TESK1: variants seen among roughly 807,000 people sequenced by gnomAD.
TESK1 encodes the protein dual specificity testis-specific protein kinase 1.
A neutral mutation model predicts 59.9 loss-of-function variants in TESK1; 18 were observed. The observed-to-expected ratio is 0.30, with a 90% CI of 0.21 to 0.45. The LOEUF is 0.45. Ranked by LOEUF, TESK1 falls within the 20% of genes least tolerant of loss-of-function variation. The pLI is 1.00. For missense variants in TESK1, 748 were observed against 840.9 expected (o/e 0.89, Z 1.37); for synonymous variants, 341 against 357.4 (o/e 0.95, Z 0.52).
chr9:35,606,401 C>A, intron 3 of TESK1, 116 bp downstream of exon 3: 2 of 1,287,580 alleles, frequency 1.6e-6, no homozygotes, highest in South Asian at 1.2e-5. Context: ...GATCTCCTCT[C>A]AGGGGAGGCT....
chr9:35,608,802 GC>G, intron 9 of TESK1, 59 bp from the exon 10 acceptor site: 1 of 1,515,496 alleles, frequency 6.6e-7, no homozygotes. Context: ...GAATAGTGAG[GC>G]CCTCAAGGAG....
chr9:35,608,585 G>A (rs1460098464), intron 9 of TESK1, 76 bp downstream of exon 9: 1 of 1,322,008 alleles, frequency 7.6e-7, no homozygotes, highest in Non-Finnish European at 1.1e-6. Context: ...TGACATGGGG[G>A]AGGCTAAGTA....
In TESK1 at chr9:35,606,872, C is replaced by A; in HGVS notation, c.426C>A (p.Ser142Arg). The change falls in exon 4 of 10, where the codon AGC becomes AGA. Residue 142 changes from serine to arginine, a missense_variant. Physicochemically the swap from Ser to Arg is moderately radical, Grantham distance 110 (BLOSUM62 -1). This residue lies in a region of TESK1 where 168 missense variants were observed against 257.4 expected (regional missense o/e 0.65). Transcript: ENST00000336395. Reference protein sequence around the residue: ...MNGGTLEQLLSSPEPLSWPVR... With the variant: ...MNGGTLEQLLRSPEPLSWPVR... The stretch of plus-strand genomic sequence containing the variant: ...GGGGGACATTGGAACAGCTGCTCAG[C>A]TCCCCTGAACCCCTGTCCTGGCCGG... The A allele has an allele frequency of 6.2e-7, 1 of 1,612,978 alleles. No homozygotes were observed. The highest frequency in any genetic ancestry group is 8.5e-7 in the Non-Finnish European group (1 of 1,179,484).
intron 9 of TESK1, 142 bp from the exon 10 acceptor site, chr9:35,608,720 A>G (rs1022769065): frequency 2.1e-5 from 22 of 1,056,582 alleles, no homozygotes; most frequent in South Asian, 1.9e-4. Context: ...GGGCCTGGAG[A>G]TGACATCACC....
Position 35,605,472 on chromosome 9 carries a change from A to G in TESK1, c.-148A>G, listed in dbSNP as rs920362094. The G allele has an allele frequency of 4.1e-6, 1 of 241,098 alleles. No homozygotes were observed. The highest frequency in any genetic ancestry group is 7.8e-6 in the Non-Finnish European group (1 of 127,926). 14.9% of individuals were successfully genotyped at this position (241,098 alleles called of 1,614,324 possible). A position where few individuals can be genotyped will look rare whatever the true frequency, so the allele number is the denominator to read the frequency against. On this transcript the variant is annotated 5_prime_UTR_variant, in exon 1 of 10. Coordinates refer to ENST00000336395, the MANE Select transcript of TESK1 (RefSeq NM_006285.3). ...CAGCCGGCGCGGCGGGGGCGGGTCC[A>G]GGATCTTCGGCGGATCTTCCATTCT... is the stretch of plus-strand genomic sequence containing the variant.
rs200271024 is a variant in TESK1 at position 35,609,127 on chromosome 9, G to A, written c.1266G>A (p.Pro422=). 7.9e-5 allele frequency: 128 copies of A among 1,614,008 alleles called. No homozygotes were observed. The Admixed American group carries it at 1.0e-3, about 13-fold the overall frequency. ...PSTQLPLVTT[P]ETLVQPGTPA... is the part of the protein sequence containing the mutation. ...CTCAGCTGCCCTTGGTGACCACTCC[G>A]GAGACCCTGGTCCAGCCTGGGACAC... Residue 422 remains proline (P), a synonymous_variant, in exon 10 of 10, where the codon CCG becomes CCA. Transcript: ENST00000336395. This position sits in a 1 kb window ranked among gnomAD's most constrained non-coding sequence, Gnocchi z 6.7.
chr9:35,606,245 G>A lies in TESK1; in HGVS notation c.350G>A (p.Gly117Glu). 1 of 1,614,146 alleles carries A rather than the reference G, an allele frequency of 6.2e-7. No individual in the cohort carries two copies. The highest frequency in any genetic ancestry group is 8.5e-7 in the Non-Finnish European group (1 of 1,180,022). Reference protein sequence around the residue: ...LRHPNILRFMGVCVHQGQLHA... With the variant: ...LRHPNILRFMEVCVHQGQLHA... ...TCCCCATCCTCTTGCAGGTTCATGG[G>A]AGTCTGTGTGCACCAGGGACAGCTG... Residue 117 changes from glycine (G) to glutamate (E), a missense_variant, in exon 3 of 10, where the codon GGA (glycine) becomes GAA (glutamate). Gly to Glu is a moderately conservative substitution (Grantham distance 98). Transcript: ENST00000336395.
In TESK1 at chr9:35,607,359, C is replaced by T. The variant is rs762098231; in HGVS notation, c.570C>T (p.Phe190=). ...TAGTCCGACGGGAAGATCGAGGCTT[C>T]ACCGCTGTCGTGGGTGACTTCGGGC... The part of the protein sequence containing the change: ...NCLVRREDRG[F]TAVVGDFGLA... Residue 190 remains phenylalanine, a synonymous_variant, in exon 5 of 10, where the codon TTC becomes TTT. Coordinates refer to ENST00000336395, the MANE Select transcript of TESK1 (RefSeq NM_006285.3). This position sits in a 1 kb window ranked among gnomAD's most constrained non-coding sequence, Gnocchi z 4.5. 1.2e-6 allele frequency: 2 copies of T among 1,614,158 alleles called. No homozygotes were observed. Among genetic ancestry groups the T allele is most frequent in the East Asian group, 2.2e-5 (1 of 44,886 alleles).
Position 35,605,537 on chromosome 9 carries a change from G to C in TESK1, c.-83G>C, listed in dbSNP as rs893246743. The C allele has an allele frequency of 1.7e-5, 6 of 346,446 alleles. No homozygotes were observed. Among genetic ancestry groups the C allele is most frequent in the Middle Eastern group, 1.7e-3 (2 of 1,184 alleles). 21.5% of individuals were successfully genotyped at this position (346,446 alleles called of 1,614,324 possible). A position where few individuals can be genotyped will look rare whatever the true frequency, so the allele number is the denominator to read the frequency against. On this transcript the variant is annotated 5_prime_UTR_variant, in exon 1 of 10. Coordinates refer to ENST00000336395, the MANE Select transcript of TESK1 (RefSeq NM_006285.3). ...GAGTCCGGGCGCCCGGGATCGGGCT[G>C]GGCCCGCGCCCATGGCAAGCGCGGC...
chr9:35,608,532 C>T (rs1358354427), intron 9 of TESK1, 23 bp downstream of exon 9: 9 of 1,601,472 alleles, frequency 5.6e-6, no homozygotes, highest in Non-Finnish European at 7.7e-6. Context: ...GACCTTGATC[C>T]AGCTTGAGTC....
chr9:35,606,225 ATCC>A lies in TESK1; in HGVS notation c.342-9_342-7del. ...AATAGCCTATCCTTCTATCTTCCCC[ATCC>A]TCTTGCAGGTTCATGGGAGTCTGTG... is the stretch of plus-strand genomic sequence containing the variant. On this transcript the variant is annotated splice_polypyrimidine_tract_variant and intron_variant, in intron 2 of 9. Coordinates refer to ENST00000336395, the MANE Select transcript of TESK1 (RefSeq NM_006285.3). 1 of 1,614,150 alleles carries A rather than the reference ATCC, an allele frequency of 6.2e-7. No homozygotes were observed. The highest frequency in any genetic ancestry group is 1.3e-5 in the African/African-American group (1 of 75,038).
intron 9 of TESK1, 126 bp from the exon 10 acceptor site, chr9:35,608,736 C>T: frequency 1.7e-6 from 2 of 1,200,838 alleles, no homozygotes; most frequent in East Asian, 2.3e-5. Flanking sequence ...TCACCCCTTT[C>T]CAAAGCACCA....
At position 35,609,734 on chromosome 9, in the gene TESK1, C is replaced by T. The variant is rs767745383; in HGVS notation, c.1873C>T (p.Arg625Cys). Reference protein sequence around the residue: ...PTPSLQLPGARS With the variant: ...PTPSLQLPGACS ...ACCCAGCCTGCAGCTGCCTGGGGCA[C>T]GCTCTTAGCAGTGGAGCCCGTGGTC... Residue 625 changes from arginine (R) to cysteine (C), a missense_variant, in exon 10 of 10, where the codon CGC becomes TGC. Around this residue, in one of 3 missense-constraint regions of TESK1, gnomAD observed 447 missense variants for 466.1 expected, o/e 0.96. Coordinates refer to ENST00000336395, the MANE Select transcript of TESK1 (RefSeq NM_006285.3). This position sits in a 1 kb window ranked among gnomAD's most constrained non-coding sequence, Gnocchi z 6.7. 1.6e-5 allele frequency: 26 copies of T among 1,590,662 alleles called. No homozygotes were observed. Among genetic ancestry groups the T allele is most frequent in the East Asian group, 2.2e-5 (1 of 44,648 alleles).
rs974914243 is a variant in TESK1 at position 35,609,931 on chromosome 9, G to GA, written c.*190dup. ...ACCCCCCGGCTCGCGTTCCCGTGGG[G>GA]ATCACTGAACCAGACACAGCATTGC... is the stretch of plus-strand genomic sequence containing the variant. On this transcript the variant is annotated 3_prime_UTR_variant, in exon 10 of 10. Coordinates refer to ENST00000336395, the MANE Select transcript of TESK1 (RefSeq NM_006285.3). The surrounding 1 kb of genome is among the most constrained non-coding windows in gnomAD (Gnocchi z 6.7). 8.2e-6 allele frequency: 5 copies of GA among 612,500 alleles called. No homozygotes were observed. The African/African-American group carries it at 9.3e-5, about 11-fold the overall frequency. 37.9% of individuals were successfully genotyped at this position (612,500 alleles called of 1,614,324 possible). A position where few individuals can be genotyped will look rare whatever the true frequency, so the allele number is the denominator to read the frequency against.
Position 35,607,763 on chromosome 9 carries a change from A to G in TESK1, c.711+91A>G. On this transcript the variant is annotated intron_variant, in intron 6 of 9. Coordinates refer to ENST00000336395, the MANE Select transcript of TESK1 (RefSeq NM_006285.3). This position sits in a 1 kb window ranked among gnomAD's most constrained non-coding sequence, Gnocchi z 4.5. Reference sequence around the variant, plus strand: ...CATCCATCCCCAAAACAACCCTACCAGATCTTCAGGAGTCCCCAAGATCCC... The same window carrying G: ...CATCCATCCCCAAAACAACCCTACCGGATCTTCAGGAGTCCCCAAGATCCC... 7.5e-7 allele frequency: 1 copy of G among 1,328,574 alleles called. No individual in the cohort carries two copies. Among genetic ancestry groups the G allele is most frequent in the Non-Finnish European group, 1.1e-6 (1 of 942,220 alleles). The allele number at this position is 1,328,574 out of a possible 1,614,324, so 82.3% of individuals were successfully genotyped here.
Position 35,607,760 on chromosome 9 carries a change from AC to A in TESK1, c.711+90del. Reference sequence around the variant, plus strand: ...CCCCATCCATCCCCAAAACAACCCTACCAGATCTTCAGGAGTCCCCAAGATC... The same window carrying A: ...CCCCATCCATCCCCAAAACAACCCTACAGATCTTCAGGAGTCCCCAAGATC... On this transcript the variant is annotated intron_variant, in intron 6 of 9. Coordinates refer to ENST00000336395, the MANE Select transcript of TESK1 (RefSeq NM_006285.3). The surrounding 1 kb of genome is among the most constrained non-coding windows in gnomAD (Gnocchi z 4.5). 1 of 1,352,000 alleles carries A rather than the reference AC, an allele frequency of 7.4e-7. No individual in the cohort carries two copies. Among genetic ancestry groups the A allele is most frequent in the Non-Finnish European group, 1.0e-6 (1 of 962,086 alleles). 83.8% of individuals were successfully genotyped at this position (1,352,000 alleles called of 1,614,324 possible).
Position 35,609,387 on chromosome 9 carries a change from G to A in TESK1, c.1526G>A (p.Arg509Lys). 1 of 1,611,048 alleles carries A rather than the reference G, an allele frequency of 6.2e-7. No individual in the cohort carries two copies. Among genetic ancestry groups the A allele is most frequent in the Non-Finnish European group, 8.5e-7 (1 of 1,178,584 alleles). ...TCGGCCTCCCAACCCTGGTCCCCTA[G>A]ATCAGGACCCGTCCTCAATAACAAT... The part of the protein sequence containing the change: ...CSSASQPWSP[R>K]SGPVLNNNPP... Residue 509 changes from arginine (R) to lysine (K), a missense_variant, in exon 10 of 10, where the codon AGA (arginine) becomes AAA (lysine). Arg to Lys is a conservative substitution (Grantham distance 26). Around this residue, in one of 3 missense-constraint regions of TESK1, gnomAD observed 447 missense variants for 466.1 expected, o/e 0.96. Coordinates refer to ENST00000336395, the MANE Select transcript of TESK1 (RefSeq NM_006285.3). This position sits in a 1 kb window ranked among gnomAD's most constrained non-coding sequence, Gnocchi z 6.7.
intron 3 of TESK1, 31 bp downstream of exon 3, chr9:35,606,316 A>G: frequency 1.2e-6 from 2 of 1,611,680 alleles, no homozygotes; most frequent in Non-Finnish European, 1.7e-6. Flanking sequence ...AGGGATCCCC[A>G]CCCCCCTTCA....
chr9:35,605,875 G>A, intron 1 of TESK1, 37 bp downstream of exon 1: 1 of 1,607,144 alleles, frequency 6.2e-7, no homozygotes, highest in Non-Finnish European at 8.5e-7. Context: ...GCGGGACCGA[G>A]CCTTCAACCA....
Sources: allele counts gnomAD v4.1 joint callset, GRCh38; gene constraint gnomAD v4.1.1; regional missense constraint gnomAD v4.1.1; non-coding constraint Gnocchi (gnomAD v3.1); transcripts MANE v1.5; gene names NCBI Gene and HGNC (gene_info 2026-07-23, HGNC 2026-07-21).